PTPRK: variants seen among roughly 807,000 people sequenced by gnomAD.
PTPRK encodes receptor-type tyrosine-protein phosphatase kappa.
PTPRK carries 75 observed loss-of-function variants against 178.0 expected under a neutral mutation model. That is an observed-to-expected ratio of 0.42 (90% CI 0.35 to 0.51). The LOEUF (loss-of-function observed/expected upper bound fraction) is 0.51. Among genes scored for constraint, PTPRK ranks in the 20% least tolerant of loss-of-function variants. PTPRK has a pLI of 0.02. For missense variants in PTPRK, 1,441 were observed against 1,797.8 expected (o/e 0.80, Z 3.59); for synonymous variants, 637 against 620.6 (o/e 1.03, Z -0.39).
At chr6:128,265,883 G>T (rs1818868554) in intron 3 of PTPRK, among the ~76,000 whole-genome samples, 1 of 152,126 alleles carries the variant, frequency 6.6e-6, no homozygotes. Flanking sequence ...TTTCTGGGAG[G>T]TGATCAGGTC....
At position 128,516,986 on chromosome 6, in the gene PTPRK, A is replaced by G. The variant is rs543331919; in HGVS notation, c.100+3273T>C. ...GATAATCGATCATTGTGCTGACAAAATTATGGTCTGGCCAATCTAGTATGT... is the reference window on the plus strand; with the variant it reads ...GATAATCGATCATTGTGCTGACAAAGTTATGGTCTGGCCAATCTAGTATGT... On this transcript the variant is annotated intron_variant, in intron 1 of 29. Transcript: ENST00000368226. Among the ~76,000 whole-genome samples the G allele has an allele frequency of 2.6e-5, 4 of 151,680 alleles. No homozygotes were observed. In the South Asian group the frequency reaches 8.4e-4, roughly 32 times the overall value.
chr6:128,247,054 C>T (rs1815594485), intron 3 of PTPRK, among the ~76,000 whole-genome samples: 1 of 152,192 alleles, frequency 6.6e-6, no homozygotes, highest in Non-Finnish European at 1.5e-5. Flanking sequence ...CTGGGATCTA[C>T]TATCACGTGT....
chr6:128,270,990 G>C (rs757155476), intron 3 of PTPRK, among the ~76,000 whole-genome samples: 5 of 151,878 alleles, frequency 3.3e-5, no homozygotes, highest in Admixed American at 6.6e-5. Context: ...CGACTACTTC[G>C]ACTGTCCACT....
intron 3 of PTPRK, among the ~76,000 whole-genome samples, chr6:128,245,751 A>G (rs973927377): frequency 6.6e-6 from 1 of 152,180 alleles, no homozygotes; most frequent in Non-Finnish European, 1.5e-5. Flanking sequence ...CATAATTCCC[A>G]TGTCATTTTG....
intron 25 of PTPRK, among the ~76,000 whole-genome samples, chr6:127,978,019 C>A (rs749949980): frequency 2.0e-5 from 3 of 152,174 alleles, no homozygotes; most frequent in African/African-American, 7.2e-5. Flanking sequence ...AGCACAGGAA[C>A]TGGTTCTTGG....
At chr6:128,133,717 CTT>C (rs76203097) in intron 7 of PTPRK, among the ~76,000 whole-genome samples, 14 of 142,914 alleles carry the variant, frequency 9.8e-5, no homozygotes, top group Middle Eastern at 3.6e-3. Context: ...TAAAGAAAGG[CTT>C]TTTTTTTTTT....
chr6:128,478,411 C>A (rs1851643162), intron 1 of PTPRK, among the ~76,000 whole-genome samples: 1 of 152,066 alleles, frequency 6.6e-6, no homozygotes, highest in Non-Finnish European at 1.5e-5. Context: ...TGTGCTAGTT[C>A]CGGAACTGCT....
chr6:128,083,727 G>A lies in PTPRK; in HGVS notation c.1563C>T (p.Ile521=). ...GTTCTCCCAATACCTCATATTGAGT[G>A]ATGATTCCATTTGGATCCAAAGGTT... is the stretch of plus-strand genomic sequence containing the variant. ...WKEPLDPNGI[I]TQYEISYSSI... is the part of the protein sequence containing the mutation. The change falls in exon 9 of 30, where the codon ATC becomes ATT. Residue 521 remains isoleucine (I), a synonymous_variant. Coordinates refer to ENST00000368226, the MANE Select transcript of PTPRK (RefSeq NM_002844.4). The A allele has an allele frequency of 1.3e-6, 2 of 1,589,364 alleles. No individual in the cohort carries two copies. The highest frequency in any genetic ancestry group is 1.7e-6 in the Non-Finnish European group (2 of 1,161,228).
At chr6:128,170,102 T>C (rs1434398785) in intron 7 of PTPRK, among the ~76,000 whole-genome samples, 1 of 152,034 alleles carries the variant, frequency 6.6e-6, no homozygotes, top group Non-Finnish European at 1.5e-5. Flanking sequence ...AGTTGGACTA[T>C]CGTATGTAAA....
intron 3 of PTPRK, among the ~76,000 whole-genome samples, chr6:128,290,074 CA>C (rs1823130969): frequency 6.6e-6 from 1 of 151,958 alleles, no homozygotes; most frequent in South Asian, 2.1e-4. Flanking sequence ...ACTGACTGAA[CA>C]AAGATGGGAA....
chr6:128,171,412 T>A (rs571268919), intron 7 of PTPRK, among the ~76,000 whole-genome samples: 1 of 152,074 alleles, frequency 6.6e-6, no homozygotes, highest in South Asian at 2.1e-4. Context: ...TAATGGAAAA[T>A]GTCTAACTCT....
At chr6:128,055,833 T>A (rs1269628248) in intron 13 of PTPRK, among the ~76,000 whole-genome samples, 1 of 152,098 alleles carries the variant, frequency 6.6e-6, no homozygotes, top group Non-Finnish European at 1.5e-5. Context: ...AACTCCTGGC[T>A]TGAAGGGATC....
chr6:128,370,745 C>T (rs1167264172), intron 2 of PTPRK, among the ~76,000 whole-genome samples: 1 of 152,050 alleles, frequency 6.6e-6, no homozygotes, highest in African/African-American at 2.4e-5. Context: ...ATTCATCTCA[C>T]AAAAAAGCAC....
At chr6:127,985,968 AATG>A (rs1167346664) in intron 21 of PTPRK, 93 bp from the exon 22 acceptor site, 4 of 1,237,512 alleles carry the variant, frequency 3.2e-6, no homozygotes, top group Non-Finnish European at 3.3e-6. Flanking sequence ...CCCAACTGAC[AATG>A]ATAACAATAA....
At chr6:128,159,733 C>T (rs138419068) in intron 7 of PTPRK, among the ~76,000 whole-genome samples, 59 of 151,734 alleles carry the variant, frequency 3.9e-4, no homozygotes, top group African/African-American at 1.4e-3. Context: ...TCTGCTTGTG[C>T]TGGTACCAAT....
At chr6:128,250,665 A>ACCTC (rs775791731) in intron 3 of PTPRK, among the ~76,000 whole-genome samples, 6 of 152,146 alleles carry the variant, frequency 3.9e-5, no homozygotes, top group East Asian at 3.8e-4. Flanking sequence ...GAAAACATAA[A>ACCTC]CCTCCCCTGA....
chr6:127,976,984 C>T lies in PTPRK; in HGVS notation c.3782G>A (p.Arg1261Lys). The T allele has an allele frequency of 6.2e-7, 1 of 1,614,074 alleles. No homozygotes were observed. Among genetic ancestry groups the T allele is most frequent in the East Asian group, 2.2e-5 (1 of 44,872 alleles). The change falls in exon 26 of 30, where the codon AGA (arginine) becomes AAA (lysine). Residue 1261 changes from arginine (R) to lysine (K), a missense_variant. This residue lies in a region of PTPRK where 335 missense variants were observed against 512.4 expected (regional missense o/e 0.65). Transcript: ENST00000368226. ...GGTACAGCCATAATCATACACTAAT[C>T]TCCAGAAGTCTTTTACAGTGTTTGG... The part of the protein sequence containing the change: ...PLPNTVKDFW[R>K]LVYDYGCTSI...
At chr6:127,996,401 G>A (rs1777155736) in intron 17 of PTPRK, among the ~76,000 whole-genome samples, 1 of 152,070 alleles carries the variant, frequency 6.6e-6, no homozygotes, top group Non-Finnish European at 1.5e-5. Context: ...GGGTGAAGTG[G>A]CTGAGTCAAT....
At chr6:128,411,172 C>T (rs1842274293) in intron 1 of PTPRK, among the ~76,000 whole-genome samples, 1 of 152,272 alleles carries the variant, frequency 6.6e-6, no homozygotes, top group African/African-American at 2.4e-5. Flanking sequence ...GGATTACAGG[C>T]ATGAACCACC....
Sources: allele counts gnomAD v4.1 joint callset (sites outside exome capture counted in the v4.1 genomes callset), GRCh38; gene constraint gnomAD v4.1.1; regional missense constraint gnomAD v4.1.1; transcripts MANE v1.5; gene names NCBI Gene and HGNC (gene_info 2026-07-23, HGNC 2026-07-21).